The following DNAH11 variants were observed in gnomAD, a reference collection of about 807,000 sequenced individuals.
DNAH11 encodes the protein dynein axonemal heavy chain 11, also known as axonemal beta dynein heavy chain 11.
Under a neutral mutation model 526.0 loss-of-function variants are expected in DNAH11, and 442 were observed. That is an observed-to-expected ratio of 0.84 (90% CI 0.78 to 0.91). The LOEUF is 0.91. Ranked by LOEUF, DNAH11 falls within the 40% of genes least tolerant of loss-of-function variation. The pLI is 0.00. For synonymous variants in DNAH11, 2,461 were observed against 1,935.9 expected (o/e 1.27, Z -7.12); for missense variants, 6,989 against 5,448.7 (o/e 1.28, Z -8.90).
At chr7:21,897,172 G>A (rs1325735057) in intron 79 of DNAH11, among the ~76,000 whole-genome samples, 2 of 152,078 alleles carry the variant, frequency 1.3e-5, no homozygotes, top group East Asian at 1.9e-4. Flanking sequence ...TCCTGTTTTC[G>A]TTTTTATGAC....
At chr7:21,894,009 C>T (rs973207598) in intron 77 of DNAH11, among the ~76,000 whole-genome samples, 1 of 152,210 alleles carries the variant, frequency 6.6e-6, no homozygotes, top group Non-Finnish European at 1.5e-5. Context: ...GTGCCTCAGC[C>T]ACCCAAATAG....
rs1307959494 is a variant in DNAH11, at chr7:21,765,481, G to C, written c.8994G>C (p.Lys2998Asn). ...GCACGCTGAGAGTTAGAGCTCGGAAGTTCCCAGCCATAGTTAACTGCACGG... is the reference window on the plus strand; with the variant it reads ...GCACGCTGAGAGTTAGAGCTCGGAACTTCCCAGCCATAGTTAACTGCACGG... ...VGRTLRVRARKFPAIVNCTAI... is the reference protein window; with the variant it reads ...VGRTLRVRARNFPAIVNCTAI... The change falls in exon 55 of 82, where the codon AAG (lysine) becomes AAC (asparagine). Residue 2998 changes from lysine (K) to asparagine (N), a missense_variant. Lys to Asn is a moderately conservative substitution (Grantham distance 94). Transcript: ENST00000409508. The C allele has an allele frequency of 2.5e-6, 4 of 1,613,892 alleles. No individual in the cohort carries two copies. In the Admixed American group the frequency reaches 6.7e-5, roughly 27 times the overall value.
chr7:21,708,280 A>G (rs1475686344), intron 40 of DNAH11, among the ~76,000 whole-genome samples: 1 of 152,216 alleles, frequency 6.6e-6, no homozygotes, highest in African/African-American at 2.4e-5. Flanking sequence ...TTCCTGTTAC[A>G]GTAAATGCGC....
intron 34 of DNAH11, among the ~76,000 whole-genome samples, chr7:21,688,690 A>G (rs1426790324): frequency 2.0e-5 from 3 of 152,244 alleles, no homozygotes; most frequent in African/African-American, 7.2e-5. Context: ...TCATCCCAAT[A>G]GGTTATACCT....
At chr7:21,779,838 T>TA (rs1397483714) in intron 57 of DNAH11, among the ~76,000 whole-genome samples, 1 of 152,186 alleles carries the variant, frequency 6.6e-6, no homozygotes, top group Non-Finnish European at 1.5e-5. Flanking sequence ...ATGTGTAAGG[T>TA]AAAAAATTCT....
chr7:21,763,100 T>A (rs1246532241), intron 54 of DNAH11, among the ~76,000 whole-genome samples: 1 of 152,020 alleles, frequency 6.6e-6, no homozygotes, highest in Non-Finnish European at 1.5e-5. Context: ...TCCCAGCACT[T>A]TGAGATGCTG....
rs1222887514 is a variant in DNAH11, at chr7:21,779,028, C to T, written c.9407C>T (p.Ala3136Val). ...ELQLRNHDAE[A>V]LITKIGLQTE... ...CAACTGAGAAATCATGATGCCGAAG[C>T]TCTGATCACAAAGATCGGCCTTCAG... The change falls in exon 57 of 82, where the codon GCT becomes GTT. Residue 3136 changes from alanine to valine, a missense_variant. By Grantham distance (64) the Ala-to-Val change is moderately conservative. Coordinates refer to ENST00000409508, the MANE Select transcript of DNAH11 (RefSeq NM_001277115.2). The T allele has an allele frequency of 1.2e-5, 20 of 1,613,358 alleles. No individual in the cohort carries two copies. The highest frequency in any genetic ancestry group is 1.6e-5 in the Non-Finnish European group (19 of 1,179,628).
intron 8 of DNAH11, among the ~76,000 whole-genome samples, chr7:21,581,519 T>C (rs1249202504): frequency 6.6e-6 from 1 of 152,222 alleles, no homozygotes. Context: ...ACTAAAGTTA[T>C]AATGAGGATA....
In DNAH11 at chr7:21,813,027, TACA is replaced by T. The variant is rs553917967; in HGVS notation, c.10333-3437_10333-3435del. ...GTATGGGGGAAGGGTTGTCAGAAAG[TACA>T]ACCATGGGGCATGAGTTTGAGGGAT... On this transcript the variant is annotated intron_variant, in intron 63 of 81. Coordinates refer to ENST00000409508, the MANE Select transcript of DNAH11 (RefSeq NM_001277115.2). Among the ~76,000 whole-genome samples, 449 of 152,182 alleles carry T rather than the reference TACA, an allele frequency of 3.0e-3. 2 individuals carry two copies. The highest frequency in any genetic ancestry group is 9.9e-3 in the African/African-American group (410 of 41,522).
At chr7:21,798,118 A>C (rs1397936403) in intron 61 of DNAH11, among the ~76,000 whole-genome samples, 1 of 152,228 alleles carries the variant, frequency 6.6e-6, no homozygotes. Flanking sequence ...CATTCATTTG[A>C]GACAGTGTCA....
chr7:21,551,355 A>T (rs969316358), intron 2 of DNAH11, among the ~76,000 whole-genome samples: 3 of 152,172 alleles, frequency 2.0e-5, no homozygotes, highest in Admixed American at 1.3e-4. Flanking sequence ...ATGACCATTT[A>T]CATGAGCTAT....
chr7:21,850,470 CCATGTGGTCTTGCAT>C (rs1782587627), intron 66 of DNAH11, among the ~76,000 whole-genome samples: 1 of 151,910 alleles, frequency 6.6e-6, no homozygotes, highest in African/African-American at 2.4e-5. Context: ...CTTACATTGC[CCATGTGGTCTTGCAT>C]GGTGTTCACT....
chr7:21,565,096 G>C (rs1783611334), intron 6 of DNAH11, among the ~76,000 whole-genome samples: 1 of 152,174 alleles, frequency 6.6e-6, no homozygotes, highest in Non-Finnish European at 1.5e-5. Flanking sequence ...CCATAGCAAA[G>C]TACTATGGAT....
chr7:21,807,919 A>C lies in DNAH11; in HGVS notation c.10202A>C (p.Glu3401Ala), dbSNP rs1172415350. The change falls in exon 63 of 82, where the codon GAA (glutamate) becomes GCA (alanine). Residue 3401 changes from glutamate (E) to alanine (A), a missense_variant. Coordinates refer to ENST00000409508, the MANE Select transcript of DNAH11 (RefSeq NM_001277115.2). Reference protein sequence around the residue: ...IRWGQSIKSFEAQEKTLCGDV... With the variant: ...IRWGQSIKSFAAQEKTLCGDV... ...TGGGGTCAATCCATTAAGTCCTTTG[A>C]AGCTCAAGAGAAGACACTCTGTGGA... The C allele has an allele frequency of 6.2e-7, 1 of 1,607,952 alleles. No homozygotes were observed. Among genetic ancestry groups the C allele is most frequent in the Non-Finnish European group, 8.5e-7 (1 of 1,175,446 alleles).
chr7:21,865,198 C>A (rs1783225378), intron 70 of DNAH11, among the ~76,000 whole-genome samples: 1 of 152,130 alleles, frequency 6.6e-6, no homozygotes, highest in Non-Finnish European at 1.5e-5. Flanking sequence ...GTTAATTCTT[C>A]CAGGATCTGG....
intron 18 of DNAH11, among the ~76,000 whole-genome samples, chr7:21,604,257 G>T (rs1785200321): frequency 1.3e-5 from 2 of 152,140 alleles, no homozygotes; most frequent in Admixed American, 1.3e-4. Context: ...TCCTGTTGGA[G>T]CATCTCTTCA....
intron 66 of DNAH11, among the ~76,000 whole-genome samples, chr7:21,849,038 G>T (rs993457658): frequency 3.3e-5 from 5 of 152,014 alleles, no homozygotes; most frequent in Admixed American, 3.3e-4. Context: ...GGCATGTACC[G>T]CCATGCCCAG....
rs556102828 is a variant in DNAH11, at chr7:21,801,388, A to T, written c.10165+113A>T. 5 of 1,359,694 alleles carry T rather than the reference A, an allele frequency of 3.7e-6. No homozygotes were observed. In the African/African-American group the frequency reaches 7.3e-5, roughly 20 times the overall value. 84.2% of individuals were successfully genotyped at this position (1,359,694 alleles called of 1,614,324 possible). ...AGACATGGAATTAACAACAAAGGAT[A>T]ATATTTGATAATCACTCATCCTGTG... is the stretch of plus-strand genomic sequence containing the variant. On this transcript the variant is annotated intron_variant, in intron 62 of 81. Coordinates refer to ENST00000409508, the MANE Select transcript of DNAH11 (RefSeq NM_001277115.2).
chr7:21,897,809 G>A (rs1054873746), intron 79 of DNAH11, among the ~76,000 whole-genome samples: 4 of 152,066 alleles, frequency 2.6e-5, no homozygotes, highest in Non-Finnish European at 5.9e-5. Context: ...TAGGGATGGG[G>A]TTTCACCATG....
Sources: allele counts gnomAD v4.1 joint callset (sites outside exome capture counted in the v4.1 genomes callset), GRCh38; gene constraint gnomAD v4.1.1; transcripts MANE v1.5; gene names NCBI Gene and HGNC (gene_info 2026-07-23, HGNC 2026-07-21).